DHPS: variants seen among roughly 807,000 people sequenced by gnomAD.
DHPS encodes migration-inducing gene 13.
DHPS carries 24 observed loss-of-function variants against 38.7 expected under a neutral mutation model. The observed-to-expected ratio is 0.62, with a 90% CI of 0.45 to 0.87. The LOEUF is 0.87. Among genes scored for constraint, DHPS ranks in the 40% least tolerant of loss-of-function variants. The probability of loss-of-function intolerance (pLI) is 0.00; values close to 1 mark genes in which losing one functional copy is unlikely to be tolerated. For missense variants in DHPS, 510 were observed against 497.6 expected, an observed-to-expected ratio of 1.02 and a Z score of -0.24; for synonymous variants, 250 against 204.4, an observed-to-expected ratio of 1.22 and a Z score of -1.90.
At chr19:12,680,099 G>T in intron 2 of DHPS, 62 bp downstream of exon 2, 2 of 1,597,984 alleles carry the variant, frequency 1.3e-6, no homozygotes, top group Admixed American at 1.7e-5. Context: ...TCACTTAAAC[G>T]ATCAATAACT....
chr19:12,676,212 C>A, intron 7 of DHPS, 70 bp from the exon 8 acceptor site: 1 of 1,507,494 alleles, frequency 6.6e-7, no homozygotes, highest in East Asian at 2.3e-5. Flanking sequence ...GGGAGGACAC[C>A]GTAGCCAAAC....
chr19:12,672,936 G>T (rs781684046), downstream of DHPS: 2 of 1,595,828 alleles, frequency 1.3e-6, no homozygotes, highest in Non-Finnish European at 1.7e-6. Flanking sequence ...TGGGGATGTG[G>T]GACAGGCAGG....
intron 7 of DHPS, chr19:12,676,899 T>C (rs1037067178): frequency 3.5e-6 from 2 of 579,270 alleles, no homozygotes; most frequent in South Asian, 1.9e-5. Flanking sequence ...CAGCACCCCT[T>C]TCTCTTCTCA....
Position 12,680,258 on chromosome 19 carries a change from C to T in DHPS, c.275G>A (p.Arg92His), listed in dbSNP as rs1340361456. ...GAAAATGGTGCAGCTGGTAAGTGGG[C>T]GGCGGCTCTGGGTCAGGTCCGCGTG... ...DQHADLTQSR[R>H]PLTSCTIFLG... Residue 92 changes from arginine to histidine, a missense_variant, in exon 2 of 9, where the codon CGC becomes CAC. Arg to His is a conservative substitution (Grantham distance 29, BLOSUM62 0). Transcript: ENST00000210060. 3.7e-6 allele frequency: 6 copies of T among 1,613,980 alleles called. No homozygotes were observed. Among genetic ancestry groups the T allele is most frequent in the South Asian group, 3.3e-5 (3 of 91,094 alleles).
At position 12,681,439 on chromosome 19, in the gene DHPS, T is replaced by G. The variant is rs2145373223; in HGVS notation, c.207+121A>C. 7 of 1,249,210 alleles carry G rather than the reference T, an allele frequency of 5.6e-6. No homozygotes were observed. In the East Asian group the frequency reaches 7.6e-5, roughly 14 times the overall value. The allele number at this position is 1,249,210 out of a possible 1,614,324, so 77.4% of individuals were successfully genotyped here. On this transcript the variant is annotated intron_variant, in intron 1 of 8. Coordinates refer to ENST00000210060, the MANE Select transcript of DHPS (RefSeq NM_001930.4). Reference sequence around the variant, plus strand: ...AGAATAGGTCCCGCCTTCCTCCAACTATTGGGCAACTCAAATAAAAGACAT... The same window carrying G: ...AGAATAGGTCCCGCCTTCCTCCAACGATTGGGCAACTCAAATAAAAGACAT...
At chr19:12,680,013 TC>T in intron 2 of DHPS, 91 bp from the exon 3 acceptor site, 1 of 1,560,206 alleles carries the variant, frequency 6.4e-7, no homozygotes, top group Non-Finnish European at 8.7e-7. Flanking sequence ...GTCCAGTGAC[TC>T]TTATGAGGGA....
intron 5 of DHPS, among the ~76,000 whole-genome samples, chr19:12,677,724 C>T (rs984997818): frequency 9.2e-5 from 14 of 152,114 alleles, no homozygotes; most frequent in African/African-American, 3.4e-4. Flanking sequence ...CAACCTCTGC[C>T]TCCTGGGTTC....
chr19:12,675,387 T>C (rs1356588120), downstream of DHPS: 2 of 1,256,418 alleles, frequency 1.6e-6, no homozygotes, highest in Admixed American at 5.1e-5. Context: ...AGGAGGCAAT[T>C]AGAGGCAGGT....
At chr19:12,672,970 C>T, downstream of DHPS, 3 of 1,598,488 alleles carry the variant, frequency 1.9e-6, no homozygotes, top group Middle Eastern at 1.7e-4. Flanking sequence ...CAACCAGGGG[C>T]ACCCCACCCT....
rs1316870303 is a variant in DHPS, at chr19:12,681,829, C to T, written c.-63G>A. ...GGCCGGGCTTACGGCGGCCCAGAAA[C>T]GCGTTAAACCCCGACGCGCGCGTCT... On this transcript the variant is annotated 5_prime_UTR_variant, in exon 1 of 9. Transcript: ENST00000210060. 1 of 1,447,784 alleles carries T rather than the reference C, an allele frequency of 6.9e-7. No individual in the cohort carries two copies. The highest frequency in any genetic ancestry group is 2.3e-5 in the East Asian group (1 of 43,188). The allele number at this position is 1,447,784 out of a possible 1,614,324, so 89.7% of individuals were successfully genotyped here. A position where few individuals can be genotyped will look rare whatever the true frequency, so the allele number is the denominator to read the frequency against.
intron 5 of DHPS, among the ~76,000 whole-genome samples, chr19:12,678,708 G>A (rs1190249388): frequency 1.4e-5 from 2 of 144,726 alleles, no homozygotes; most frequent in African/African-American, 2.6e-5. Context: ...GGTGGAGGGT[G>A]CAGTGAGCTG....
rs751841556 is a variant in DHPS at position 12,675,861 on chromosome 19, T to C, written c.1087A>G (p.Met363Val). 6.2e-7 allele frequency: 1 copy of C among 1,608,022 alleles called. No homozygotes were observed. Among genetic ancestry groups the C allele is most frequent in the Admixed American group, 1.7e-5 (1 of 59,068 alleles). ...ETFAQKMDAF[M>V]HEKNED ...GCTCAGTCCTCGTTCTTCTCATGCA[T>C]GAAGGCATCCATCTTCTGGGCAAAG... is the stretch of plus-strand genomic sequence containing the variant. Residue 363 changes from methionine (M) to valine (V), a missense_variant, in exon 9 of 9, where the codon ATG becomes GTG. Coordinates refer to ENST00000210060, the MANE Select transcript of DHPS (RefSeq NM_001930.4).
Position 12,681,689 on chromosome 19 carries a change from G to C in DHPS, c.78C>G (p.Pro26=). 1 of 1,614,072 alleles carries C rather than the reference G, an allele frequency of 6.2e-7. No individual in the cohort carries two copies. Among genetic ancestry groups the C allele is most frequent in the East Asian group, 2.2e-5 (1 of 44,886 alleles). ...AVLKHSSTLP[P]ESTQVRGYDF... Reference sequence around the variant, plus strand: ...CGTAGCCCCGGACCTGGGTGCTTTCGGGCGGCAACGTCGAGCTGTGCTTTA... The same window carrying C: ...CGTAGCCCCGGACCTGGGTGCTTTCCGGCGGCAACGTCGAGCTGTGCTTTA... Residue 26 remains proline (P), a synonymous_variant, in exon 1 of 9, where the codon CCC becomes CCG. Coordinates refer to ENST00000210060, the MANE Select transcript of DHPS (RefSeq NM_001930.4).
In DHPS at chr19:12,676,106, C is replaced by G; in HGVS notation, c.925G>C (p.Ala309Pro). 1 of 1,613,748 alleles carries G rather than the reference C, an allele frequency of 6.2e-7. No homozygotes were observed. Among genetic ancestry groups the G allele is most frequent in the Non-Finnish European group, 8.5e-7 (1 of 1,179,920 alleles). The stretch of plus-strand genomic sequence containing the variant: ...GAGTCAGAGCCATCAAACTCCTGGG[C>G]TGTGTTGATGTAAACAGCGTAGTCG... Reference protein sequence around the residue: ...GADYAVYINTAQEFDGSDSGA... With the variant: ...GADYAVYINTPQEFDGSDSGA... The change falls in exon 8 of 9, where the codon GCC becomes CCC. Residue 309 changes from alanine to proline, a missense_variant. Ala to Pro is a conservative substitution (Grantham distance 27). Transcript: ENST00000210060.
Position 12,675,901 on chromosome 19 carries a change from C to G in DHPS, c.1047G>C (p.Leu349=), listed in dbSNP as rs1223014857. 2 of 1,610,104 alleles carry G rather than the reference C, an allele frequency of 1.2e-6. No individual in the cohort carries two copies. The highest frequency in any genetic ancestry group is 4.5e-5 in the East Asian group (2 of 44,818). Residue 349 remains leucine, a synonymous_variant, in exon 9 of 9, where the codon CTG becomes CTC. Coordinates refer to ENST00000210060, the MANE Select transcript of DHPS (RefSeq NM_001930.4). The stretch of plus-strand genomic sequence containing the variant: ...TCTGGGCAAAGGTTTCAGCCACAAG[C>G]AGGGGGAAGACCAGGGAGGCGTCAG... ...VYADASLVFP[L]LVAETFAQKM...
Position 12,675,801 on chromosome 19 carries a change from A to G in DHPS, c.*37T>C, listed in dbSNP as rs1322437375. On this transcript the variant is annotated 3_prime_UTR_variant, in exon 9 of 9. Coordinates refer to ENST00000210060, the MANE Select transcript of DHPS (RefSeq NM_001930.4). ...GGGCTGGGTCTGCAAATTAATAAAT[A>G]GAAGAGGGGGTAAGACCTTCCTGGG... 4 of 1,570,178 alleles carry G rather than the reference A, an allele frequency of 2.5e-6. No individual in the cohort carries two copies. The highest frequency in any genetic ancestry group is 1.4e-5 in the African/African-American group (1 of 73,410).
chr19:12,677,319 G>C lies in DHPS; in HGVS notation c.756C>G (p.Asn252Lys). The part of the protein sequence containing the change: ...GDMIFFHSYK[N>K]PGLVLDIVED... ...CAACGATGTCCAGGACCAGGCCCGG[G>C]TTCTTGTAGGAATGGAAGAAGATCA... Residue 252 changes from asparagine (N) to lysine (K), a missense_variant, in exon 6 of 9, where the codon AAC (asparagine) becomes AAG (lysine). Coordinates refer to ENST00000210060, the MANE Select transcript of DHPS (RefSeq NM_001930.4). 6.2e-7 allele frequency: 1 copy of C among 1,614,188 alleles called. No individual in the cohort carries two copies. The highest frequency in any genetic ancestry group is 8.5e-7 in the Non-Finnish European group (1 of 1,180,042).
downstream of DHPS, chr19:12,675,495 T>A: frequency 6.3e-7 from 1 of 1,597,944 alleles, no homozygotes; most frequent in Non-Finnish European, 8.5e-7. Context: ...CAGCCACAGA[T>A]AACCACTCCC....
intron 5 of DHPS, among the ~76,000 whole-genome samples, chr19:12,677,809 A>G (rs926130720): frequency 6.6e-6 from 1 of 151,684 alleles, no homozygotes; most frequent in African/African-American, 2.4e-5. Context: ...CTAATTTTGC[A>G]TTTTGTTTTT....
Sources: allele counts gnomAD v4.1 joint callset (sites outside exome capture counted in the v4.1 genomes callset), GRCh38; gene constraint gnomAD v4.1.1; transcripts MANE v1.5; gene names NCBI Gene and HGNC (gene_info 2026-07-23, HGNC 2026-07-21).